The following MAPK4 variants were observed in gnomAD, a reference collection of about 807,000 sequenced individuals.
MAPK4 encodes mitogen-activated protein kinase 4.
MAPK4 carries 22 observed loss-of-function variants against 47.7 expected under a neutral mutation model. The ratio of observed to expected loss-of-function variants is 0.46; its 90% CI spans 0.33 to 0.66. The LOEUF (loss-of-function observed/expected upper bound fraction) is 0.66, where lower values mean the gene tolerates loss of function less well. Among genes scored for constraint, MAPK4 ranks in the 30% least tolerant of loss-of-function variants. The pLI is 0.02. For missense variants in MAPK4, 736 were observed against 831.7 expected (o/e 0.88, Z 1.42); for synonymous variants, 390 against 365.7 (o/e 1.07, Z -0.76).
chr18:50,685,619 G>A (rs1182195191), intron 2 of MAPK4, among the ~76,000 whole-genome samples: 1 of 152,184 alleles, frequency 6.6e-6, no homozygotes, highest in Non-Finnish European at 1.5e-5. Context: ...TCCTGTCCTG[G>A]CATCTTCCCT....
intron 2 of MAPK4, chr18:50,704,710 G>A (rs1449942299): frequency 7.5e-6 from 3 of 398,588 alleles, no homozygotes; most frequent in Non-Finnish European, 1.3e-5. Flanking sequence ...TTTGGGGCCT[G>A]GAGGCCTAAT....
chr18:50,729,712 T>C lies in MAPK4; in HGVS notation c.1622T>C (p.Val541Ala). The change falls in exon 6 of 6, where the codon GTG becomes GCG. Residue 541 changes from valine to alanine, a missense_variant. Physicochemically the swap from Val to Ala is moderately conservative, Grantham distance 64. Around this residue, in one of 3 missense-constraint regions of MAPK4, gnomAD observed 377 missense variants for 378.6 expected, o/e 1.00. Transcript: ENST00000400384. The part of the protein sequence containing the change: ...GGASPQFDLD[V>A]FISRALKLCT... ...GCCAGCCCCCAGTTCGACCTGGACG[T>C]GTTCATCTCCCGCGCCCTGAAGCTC... The C allele has an allele frequency of 6.3e-7, 1 of 1,577,264 alleles. No homozygotes were observed. Among genetic ancestry groups the C allele is most frequent in the Non-Finnish European group, 8.6e-7 (1 of 1,162,884 alleles).
rs926401405 is a variant in MAPK4 at position 50,715,163 on chromosome 18, G to A, written c.631G>A (p.Asp211Asn). 1.2e-6 allele frequency: 2 copies of A among 1,614,144 alleles called. No individual in the cohort carries two copies. The highest frequency in any genetic ancestry group is 2.2e-5 in the South Asian group (2 of 91,074). The change falls in exon 3 of 6, where the codon GAC becomes AAC. Residue 211 changes from aspartate (D) to asparagine (N), a missense_variant. Asp to Asn is a conservative substitution (Grantham distance 23, BLOSUM62 1). Transcript: ENST00000400384. The part of the protein sequence containing the change: ...LSPNNYTKAI[D>N]MWAAGCILAE... ...CCCCAATAACTACACCAAAGCCATC[G>A]ACATGTGGGCCGCCGGCTGCATCCT... is the stretch of plus-strand genomic sequence containing the variant.
chr18:50,662,896 G>A (rs1280935637), intron 1 of MAPK4, among the ~76,000 whole-genome samples, 193 bp from the exon 2 acceptor site: 1 of 152,222 alleles, frequency 6.6e-6, no homozygotes, highest in Admixed American at 6.5e-5. Context: ...TCCATCTTCT[G>A]TCTCTTCCAG....
chr18:50,606,693 T>C (rs984208831), intron 1 of MAPK4, among the ~76,000 whole-genome samples: 3 of 152,226 alleles, frequency 2.0e-5, no homozygotes, highest in Admixed American at 1.3e-4. Context: ...TTATGGGCCA[T>C]ACAGTCTCTT....
rs200093759 is a variant in MAPK4 at position 50,715,120 on chromosome 18, C to T, written c.588C>T (p.Ser196=). 1,198 of 1,614,096 alleles carry T rather than the reference C, an allele frequency of 7.4e-4. 1 individual carries two copies. Among genetic ancestry groups the T allele is most frequent in the Non-Finnish European group, 9.4e-4 (1,107 of 1,180,014 alleles). The change falls in exon 3 of 6, where the codon TCC becomes TCT. Residue 196 remains serine, a synonymous_variant. Coordinates refer to ENST00000400384, the MANE Select transcript of MAPK4 (RefSeq NM_002747.4). The part of the protein sequence containing the change: ...SEGLVTKWYR[S]PRLLLSPNNY... Reference sequence around the variant, plus strand: ...GGTTGGTAACAAAGTGGTACCGTTCCCCACGACTGCTCCTTTCCCCCAATA... The same window carrying T: ...GGTTGGTAACAAAGTGGTACCGTTCTCCACGACTGCTCCTTTCCCCCAATA...
At position 50,600,505 on chromosome 18, in the gene MAPK4, G is replaced by T. The variant is rs184013330; in HGVS notation, c.-871+40262G>T. 8.5e-5 allele frequency among the ~76,000 whole-genome samples: 13 copies of T among 152,242 alleles called. No homozygotes were observed. The East Asian group carries it at 2.3e-3, about 27-fold the overall frequency. ...CATCTTAAGACAAAATGACGGGAGT[G>T]GTGAGGTGGCTTCTCTACCTATAGA... On this transcript the variant is annotated intron_variant, in intron 1 of 5. Transcript: ENST00000400384.
chr18:50,606,450 C>T (rs983790144), intron 1 of MAPK4, among the ~76,000 whole-genome samples: 2 of 152,160 alleles, frequency 1.3e-5, no homozygotes, highest in Non-Finnish European at 2.9e-5. Flanking sequence ...TACATTCATG[C>T]CTGCATCTAG....
intron 1 of MAPK4, among the ~76,000 whole-genome samples, chr18:50,615,880 T>C (rs1198041540): frequency 6.6e-6 from 1 of 152,200 alleles, no homozygotes; most frequent in Non-Finnish European, 1.5e-5. Flanking sequence ...CCTAACTCTT[T>C]CAAGATACCT....
intron 1 of MAPK4, among the ~76,000 whole-genome samples, chr18:50,639,616 A>G (rs976899950): frequency 1.8e-4 from 27 of 152,220 alleles, no homozygotes; most frequent in African/African-American, 5.3e-4. Context: ...TTGCCATACA[A>G]TTTTAAAACA....
intron 2 of MAPK4, among the ~76,000 whole-genome samples, chr18:50,700,948 G>C (rs10502911): frequency 0.032 from 4,859 of 152,140 alleles, 119 homozygotes; most frequent in African/African-American, 0.066. Context: ...TTTAGGTGAA[G>C]GACAGAAACA....
chr18:50,634,846 T>C (rs950006027), intron 1 of MAPK4, among the ~76,000 whole-genome samples: 1 of 152,216 alleles, frequency 6.6e-6, no homozygotes, highest in African/African-American at 2.4e-5. Context: ...TATCTCCTCC[T>C]TCTGTGTAAT....
At chr18:50,589,335 G>A (rs1385761071) in intron 1 of MAPK4, among the ~76,000 whole-genome samples, 2 of 152,256 alleles carry the variant, frequency 1.3e-5, no homozygotes, top group African/African-American at 2.4e-5. Flanking sequence ...TAACTCTAAC[G>A]CCTGTAATCC....
At chr18:50,586,350 C>G (rs716871) in intron 1 of MAPK4, among the ~76,000 whole-genome samples, 61,099 of 151,210 alleles carry the variant, frequency 0.4, 13,263 homozygotes, top group Non-Finnish European at 0.49. Context: ...TATAAAAATG[C>G]AAATTATAAG....
intron 3 of MAPK4, among the ~76,000 whole-genome samples, chr18:50,715,705 C>T (rs1228249703): frequency 6.6e-6 from 1 of 152,198 alleles, no homozygotes; most frequent in African/African-American, 2.4e-5. Context: ...ACCAAATCTG[C>T]CAGCTCCTTA....
intron 1 of MAPK4, among the ~76,000 whole-genome samples, chr18:50,626,763 C>T (rs1279360441): frequency 2.0e-5 from 3 of 152,184 alleles, no homozygotes; most frequent in Non-Finnish European, 4.4e-5. Flanking sequence ...ATGAACACAG[C>T]TTGTCCCACA....
At chr18:50,711,705 A>G (rs1386951373) in intron 2 of MAPK4, among the ~76,000 whole-genome samples, 1 of 152,098 alleles carries the variant, frequency 6.6e-6, no homozygotes, top group African/African-American at 2.4e-5. Flanking sequence ...AGCTGAAACT[A>G]TCCTCACCCT....
intron 2 of MAPK4, among the ~76,000 whole-genome samples, chr18:50,714,448 A>G (rs984130208): frequency 6.6e-6 from 1 of 152,212 alleles, no homozygotes; most frequent in African/African-American, 2.4e-5. Context: ...CCAGAAAGAC[A>G]CAGTCAGACT....
chr18:50,640,873 A>C (rs1232113536), intron 1 of MAPK4, among the ~76,000 whole-genome samples: 1 of 152,182 alleles, frequency 6.6e-6, no homozygotes, highest in African/African-American at 2.4e-5. Context: ...GAAGGAGAGG[A>C]AGGGACAACT....
Sources: allele counts gnomAD v4.1 joint callset (sites outside exome capture counted in the v4.1 genomes callset), GRCh38; gene constraint gnomAD v4.1.1; regional missense constraint gnomAD v4.1.1; transcripts MANE v1.5; gene names NCBI Gene and HGNC (gene_info 2026-07-23, HGNC 2026-07-21).